Variants in AFF3 observed in about 807,000 individuals in gnomAD.
The protein encoded by AFF3 is ALF transcription elongation factor 3.
Under a neutral mutation model 129.7 loss-of-function variants are expected in AFF3, and 32 were observed. The observed-to-expected ratio is 0.25, with a 90% CI of 0.19 to 0.33. AFF3 has a LOEUF of 0.33. Ranked by LOEUF, AFF3 falls within the 10% of genes least tolerant of loss-of-function variation. The pLI is 1.00. For missense variants in AFF3, 1,373 were observed against 1,592.0 expected (o/e 0.86, Z 2.34); for synonymous variants, 644 against 635.4 (o/e 1.01, Z -0.20).
intron 4 of AFF3, among the ~76,000 whole-genome samples, chr2:100,060,087 AAC>A (rs1553515371): frequency 6.6e-6 from 1 of 152,166 alleles, no homozygotes; most frequent in Non-Finnish European, 1.5e-5. Context: ...CCATGAGGGA[AAC>A]ACACCCTCCA....
At chr2:99,596,631 G>C (rs1376537040) in intron 14 of AFF3, among the ~76,000 whole-genome samples, 1 of 113,906 alleles carries the variant, frequency 8.8e-6, no homozygotes, top group Non-Finnish European at 1.9e-5. Context: ...TTTCACACTA[G>C]TTCTCCCTCA....
At chr2:99,793,199 C>A (rs1173608897) in intron 8 of AFF3, among the ~76,000 whole-genome samples, 3 of 152,296 alleles carry the variant, frequency 2.0e-5, no homozygotes, top group African/African-American at 7.2e-5. Context: ...AAAAAAAGAA[C>A]CATGGCACTT....
chr2:99,693,987 G>A (rs1031799546), intron 11 of AFF3, among the ~76,000 whole-genome samples: 5 of 150,812 alleles, frequency 3.3e-5, no homozygotes, highest in Non-Finnish European at 7.4e-5. Context: ...GCACCATCTC[G>A]GCTCACTGCA....
chr2:100,104,798 A>AGCCACC, intron 3 of AFF3: 1 of 615,632 alleles, frequency 1.6e-6, no homozygotes, highest in Non-Finnish European at 1.9e-6. Context: ...CCGCTGCTGC[A>AGCCACC]GCCGCCGCCG....
chr2:100,125,742 A>G (rs1010854684), intron 2 of AFF3, among the ~76,000 whole-genome samples: 2 of 152,118 alleles, frequency 1.3e-5, no homozygotes, highest in African/African-American at 4.8e-5. Flanking sequence ...GAGCCAGCCA[A>G]GGAAGGAGAG....
At chr2:99,659,249 T>C (rs1009890149) in intron 12 of AFF3, among the ~76,000 whole-genome samples, 2 of 152,162 alleles carry the variant, frequency 1.3e-5, no homozygotes, top group Non-Finnish European at 2.9e-5. Context: ...TGAAATGTGG[T>C]TCCTGGGACT....
At chr2:100,052,856 C>T (rs965136598) in intron 4 of AFF3, among the ~76,000 whole-genome samples, 3 of 152,192 alleles carry the variant, frequency 2.0e-5, no homozygotes, top group Non-Finnish European at 4.4e-5. Context: ...TTCCCCAGTA[C>T]GAGCTTGAGC....
At chr2:99,983,403 ATTCT>A (rs1679587990) in intron 7 of AFF3, among the ~76,000 whole-genome samples, 1 of 152,186 alleles carries the variant, frequency 6.6e-6, no homozygotes, top group South Asian at 2.1e-4. Context: ...AGATGATTCA[ATTCT>A]TTTTCTGTGT....
intron 18 of AFF3, among the ~76,000 whole-genome samples, chr2:99,575,636 A>C (rs1436636326): frequency 6.6e-6 from 1 of 152,024 alleles, no homozygotes; most frequent in Non-Finnish European, 1.5e-5. Flanking sequence ...TTTGAGTTGC[A>C]TGTTTATTTT....
intron 7 of AFF3, among the ~76,000 whole-genome samples, chr2:99,985,570 G>C (rs1397006868): frequency 6.6e-6 from 1 of 152,106 alleles, no homozygotes; most frequent in African/African-American, 2.4e-5. Flanking sequence ...ATAAATTAAT[G>C]GAACCACCCC....
intron 7 of AFF3, among the ~76,000 whole-genome samples, chr2:99,942,610 G>C (rs56932654): frequency 0.028 from 4,234 of 151,720 alleles, 185 homozygotes; most frequent in African/African-American, 0.096. Flanking sequence ...ATTTTTGGCA[G>C]AAGGAAGAGC....
At chr2:99,605,317 G>A (rs1425441770) in intron 13 of AFF3, among the ~76,000 whole-genome samples, 2 of 152,220 alleles carry the variant, frequency 1.3e-5, no homozygotes, top group Admixed American at 6.5e-5. Context: ...TGAAATTTAT[G>A]ATGTCTGGAT....
chr2:99,751,364 A>T (rs1343812312), intron 9 of AFF3, among the ~76,000 whole-genome samples: 1 of 152,226 alleles, frequency 6.6e-6, no homozygotes, highest in Non-Finnish European at 1.5e-5. Context: ...AAGTGCTGGG[A>T]TTACAGGAAT....
At chr2:99,861,571 T>C (rs1691002290) in intron 7 of AFF3, among the ~76,000 whole-genome samples, 1 of 152,162 alleles carries the variant, frequency 6.6e-6, no homozygotes, top group Admixed American at 6.5e-5. Context: ...AATTCTGGAG[T>C]GTATTCTTGG....
chr2:100,030,769 G>C (rs574021868), intron 4 of AFF3, among the ~76,000 whole-genome samples: 1 of 152,180 alleles, frequency 6.6e-6, no homozygotes, highest in African/African-American at 2.4e-5. Flanking sequence ...CTACATATTG[G>C]ATGATTCCAA....
At chr2:99,678,668 C>T (rs922091506) in intron 11 of AFF3, among the ~76,000 whole-genome samples, 6 of 152,226 alleles carry the variant, frequency 3.9e-5, no homozygotes, top group Admixed American at 2.0e-4. Context: ...CTGCTACTAT[C>T]TCCACCTACG....
rs894297126 is a variant in AFF3, at chr2:100,011,414, G to A, written c.54-2482C>T. The A allele has an allele frequency of 3.2e-5, 25 of 776,892 alleles. No homozygotes were observed. The Middle Eastern group carries it at 6.8e-4, about 21-fold the overall frequency. 48.1% of individuals were successfully genotyped at this position (776,892 alleles called of 1,614,324 possible). On this transcript the variant is annotated intron_variant, in intron 4 of 24. Coordinates refer to ENST00000672756, the MANE Select transcript of AFF3 (RefSeq NM_001386135.1). ...CAAGACTGGTGTGATGCACGAAGTG[G>A]CCTCATGTAAGATGGAGCAGGCAGG... is the stretch of plus-strand genomic sequence containing the variant.
intron 1 of AFF3, among the ~76,000 whole-genome samples, chr2:100,142,210 C>CCA (rs374673903): frequency 0.12 from 17,810 of 150,238 alleles, 1,221 homozygotes; most frequent in Non-Finnish European, 0.14. Context: ...GCACCCTCTA[C>CCA]CACACACACA....
chr2:99,873,114 C>T (rs1263662291), intron 7 of AFF3, among the ~76,000 whole-genome samples: 1 of 152,210 alleles, frequency 6.6e-6, no homozygotes, highest in African/African-American at 2.4e-5. Context: ...CCTACCTGAA[C>T]AGGCAGAAGC....
Sources: gnomAD v4.1 joint callset for allele counts (sites outside exome capture counted in the v4.1 genomes callset) on GRCh38, gnomAD v4.1.1 for gene constraint, MANE v1.5 for transcripts, NCBI Gene and HGNC (gene_info 2026-07-23, HGNC 2026-07-21) for gene names.